Variants in PLXDC2 observed in about 807,000 individuals in gnomAD.
The protein encoded by PLXDC2 is plexin domain containing 2, also known as plexin domain-containing protein 2.
PLXDC2 carries 40 observed loss-of-function variants against 68.9 expected under a neutral mutation model. The observed-to-expected ratio is 0.58, with a 90% CI of 0.45 to 0.76. The LOEUF (loss-of-function observed/expected upper bound fraction) is 0.76, where lower values mean the gene tolerates loss of function less well. Among genes scored for constraint, PLXDC2 ranks in the 30% least tolerant of loss-of-function variants. PLXDC2 has a pLI of 0.00. For missense variants in PLXDC2, 644 were observed against 661.9 expected (o/e 0.97, Z 0.30); for synonymous variants, 243 against 234.2 (o/e 1.04, Z -0.34).
chr10:19,910,116 A>T (rs1267762425), intron 1 of PLXDC2, among the ~76,000 whole-genome samples: 1 of 151,920 alleles, frequency 6.6e-6, no homozygotes, highest in Non-Finnish European at 1.5e-5. Context: ...TATCATTGAC[A>T]TCCACGAACC....
At chr10:20,090,214 A>G (rs191101100) in intron 4 of PLXDC2, among the ~76,000 whole-genome samples, 6 of 152,306 alleles carry the variant, frequency 3.9e-5, no homozygotes, top group Admixed American at 3.9e-4. Flanking sequence ...TAAAACAGAA[A>G]AATGCCCATG....
intron 1 of PLXDC2, among the ~76,000 whole-genome samples, chr10:19,885,124 T>C (rs1209817570): frequency 5.9e-5 from 9 of 152,212 alleles, no homozygotes; most frequent in African/African-American, 2.2e-4. Flanking sequence ...CATTTTTTCA[T>C]GTGTTTTTTG....
intron 1 of PLXDC2, among the ~76,000 whole-genome samples, chr10:19,987,584 C>T (rs1271370786): frequency 1.3e-5 from 2 of 149,830 alleles, no homozygotes; most frequent in Non-Finnish European, 3.0e-5. Flanking sequence ...TTTTTTGCGG[C>T]GGAATCTCGT....
At chr10:20,089,015 T>C (rs912782021) in intron 4 of PLXDC2, among the ~76,000 whole-genome samples, 1 of 152,192 alleles carries the variant, frequency 6.6e-6, no homozygotes, top group African/African-American at 2.4e-5. Context: ...AGCATCTGTC[T>C]TCTTTCAGCA....
At chr10:19,952,121 CA>C (rs1834001491) in intron 1 of PLXDC2, among the ~76,000 whole-genome samples, 1 of 152,116 alleles carries the variant, frequency 6.6e-6, no homozygotes, top group African/African-American at 2.4e-5. Context: ...AGCAATCCTG[CA>C]CATGTACTCC....
chr10:20,241,507 C>T (rs1835515762), intron 12 of PLXDC2, among the ~76,000 whole-genome samples: 1 of 152,150 alleles, frequency 6.6e-6, no homozygotes, highest in Admixed American at 6.5e-5. Flanking sequence ...AAGGCTAAAC[C>T]AGGTGCAATG....
At chr10:20,258,094 C>G (rs561678559) in intron 13 of PLXDC2, among the ~76,000 whole-genome samples, 2 of 149,756 alleles carry the variant, frequency 1.3e-5, no homozygotes, top group Admixed American at 6.7e-5. Context: ...CTCCGCCTCC[C>G]GAGTTCAAGC....
intron 12 of PLXDC2, among the ~76,000 whole-genome samples, chr10:20,232,320 A>C (rs1835375870): frequency 6.6e-6 from 1 of 152,132 alleles, no homozygotes; most frequent in East Asian, 1.9e-4. Flanking sequence ...TTTCTTATAA[A>C]GTTCTGTCCT....
intron 12 of PLXDC2, among the ~76,000 whole-genome samples, chr10:20,223,437 C>T (rs1031831546): frequency 3.3e-5 from 5 of 151,692 alleles, no homozygotes; most frequent in Non-Finnish European, 7.4e-5. Context: ...CTCAGCCTCC[C>T]GAGTAGCTGG....
chr10:20,124,582 A>G (rs1258022225), intron 4 of PLXDC2, among the ~76,000 whole-genome samples: 1 of 152,164 alleles, frequency 6.6e-6, no homozygotes, highest in Admixed American at 6.5e-5. Context: ...TGTGTGAGCA[A>G]CATGGCTGTT....
intron 2 of PLXDC2, among the ~76,000 whole-genome samples, chr10:20,036,063 G>T (rs886127415): frequency 1.2e-4 from 19 of 152,128 alleles, no homozygotes; most frequent in Non-Finnish European, 1.5e-5. Context: ...ATGAGTTTTT[G>T]AAAGTAATAT....
intron 4 of PLXDC2, among the ~76,000 whole-genome samples, chr10:20,072,227 G>A (rs184298128): frequency 7.2e-5 from 11 of 151,836 alleles, no homozygotes; most frequent in South Asian, 4.2e-4. Flanking sequence ...AAAATTAGCC[G>A]GGCATGGTGG....
At chr10:19,908,294 G>C (rs1589530593) in intron 1 of PLXDC2, among the ~76,000 whole-genome samples, 1 of 152,112 alleles carries the variant, frequency 6.6e-6, no homozygotes, top group East Asian at 1.9e-4. Flanking sequence ...ATTTTAAGAA[G>C]TTTTCTATGG....
intron 9 of PLXDC2, among the ~76,000 whole-genome samples, chr10:20,179,381 G>C (rs1278942494): frequency 1.3e-5 from 2 of 151,946 alleles, no homozygotes; most frequent in Non-Finnish European, 1.5e-5. Context: ...ACCTGGGACT[G>C]CAGAAAAAAA....
Position 19,906,642 on chromosome 10 carries a change from AG to A in PLXDC2, c.112+89455del, listed in dbSNP as rs375111576. 1.3e-4 allele frequency among the ~76,000 whole-genome samples: 20 copies of A among 152,212 alleles called. 1 individual carries two copies. Among genetic ancestry groups the A allele is most frequent in the African/African-American group, 4.8e-4 (20 of 41,548 alleles). The stretch of plus-strand genomic sequence containing the variant: ...CATATCACAGGTGTGCTCATAGGCC[AG>A]GGGTTTTTACTATCTCTAGGAAGGG... On this transcript the variant is annotated intron_variant, in intron 1 of 13. Transcript: ENST00000377252.
chr10:19,817,315 GC>G (rs2131989853), intron 1 of PLXDC2, 124 bp downstream of exon 1: 1 of 789,014 alleles, frequency 1.3e-6, no homozygotes, highest in East Asian at 2.7e-5. Flanking sequence ...TATTGCAGTT[GC>G]TTTTCGGCTA....
chr10:20,257,163 G>T (rs1835752721), intron 13 of PLXDC2, among the ~76,000 whole-genome samples: 1 of 152,284 alleles, frequency 6.6e-6, no homozygotes, highest in East Asian at 1.9e-4. Context: ...ACTCAGAGAT[G>T]CAACAGGCTT....
At chr10:20,170,762 T>G (rs1834437140) in intron 7 of PLXDC2, among the ~76,000 whole-genome samples, 1 of 152,062 alleles carries the variant, frequency 6.6e-6, no homozygotes, top group Admixed American at 6.6e-5. Flanking sequence ...TAATTGAATT[T>G]AATTCATTAA....
chr10:20,012,135 A>AT (rs919022168), intron 2 of PLXDC2, among the ~76,000 whole-genome samples: 1 of 151,984 alleles, frequency 6.6e-6, no homozygotes, highest in African/African-American at 2.4e-5. Flanking sequence ...AAGGCATTTA[A>AT]TTTTTTTCTC....
Sources: gnomAD v4.1 joint callset for allele counts (sites outside exome capture counted in the v4.1 genomes callset) on GRCh38, gnomAD v4.1.1 for gene constraint, MANE v1.5 for transcripts, NCBI Gene and HGNC (gene_info 2026-07-23, HGNC 2026-07-21) for gene names.